The following BCAS3 variants were observed in gnomAD, a reference collection of about 807,000 sequenced individuals.
BCAS3 encodes the protein BCAS3 microtubule associated cell migration factor.
Under a neutral mutation model 116.1 loss-of-function variants are expected in BCAS3, and 53 were observed. That is an observed-to-expected ratio of 0.46 (90% CI 0.37 to 0.57). The LOEUF (loss-of-function observed/expected upper bound fraction) is 0.57, where lower values mean the gene tolerates loss of function less well. Ranked by LOEUF, BCAS3 falls within the 20% of genes least tolerant of loss-of-function variation. The pLI is 0.00. For missense variants in BCAS3, 917 were observed against 1,165.4 expected (o/e 0.79, Z 3.10); for synonymous variants, 391 against 408.2 (o/e 0.96, Z 0.51).
Position 61,082,905 on chromosome 17 carries a change from C to T in BCAS3, c.2328-1562C>T, listed in dbSNP as rs2072754113. On this transcript the variant is annotated intron_variant, in intron 21 of 23. Transcript: ENST00000407086. This position sits in a 1 kb window ranked among gnomAD's most constrained non-coding sequence, Gnocchi z 5.1. ...CTATACCTCCCTCCTGTTTTTTCTT[C>T]CTCACAACAAAAGCATGCATTTCAT... is the stretch of plus-strand genomic sequence containing the variant. Among the ~76,000 whole-genome samples, 2 of 152,208 alleles carry T rather than the reference C, an allele frequency of 1.3e-5. No homozygotes were observed. The highest frequency in any genetic ancestry group is 4.1e-4 in the South Asian group (2 of 4,826).
At chr17:61,322,852 G>A (rs867006270) in intron 22 of BCAS3, among the ~76,000 whole-genome samples, 1 of 139,934 alleles carries the variant, frequency 7.1e-6, no homozygotes, top group Non-Finnish European at 1.5e-5. Flanking sequence ...GAGAGAGAGA[G>A]AGACAGAGAG....
At chr17:61,138,653 G>T (rs543406321) in intron 22 of BCAS3, among the ~76,000 whole-genome samples, 1 of 152,256 alleles carries the variant, frequency 6.6e-6, no homozygotes, top group South Asian at 2.1e-4. Context: ...TGGTATATTT[G>T]ATTGTTTTCA....
intron 22 of BCAS3, among the ~76,000 whole-genome samples, chr17:61,231,016 G>A: frequency 7.3e-6 from 1 of 137,636 alleles, no homozygotes. Context: ...CCCCAGGCTA[G>A]TCTCAAACTC....
At chr17:61,074,270 G>A (rs560571552) in intron 19 of BCAS3, among the ~76,000 whole-genome samples, 9 of 151,968 alleles carry the variant, frequency 5.9e-5, no homozygotes, top group Non-Finnish European at 1.0e-4. Flanking sequence ...TAGAGACATG[G>A]AGACAGACAG....
chr17:60,795,939 C>T (rs952943210), intron 6 of BCAS3, among the ~76,000 whole-genome samples: 5 of 152,176 alleles, frequency 3.3e-5, no homozygotes, highest in Non-Finnish European at 5.9e-5. Flanking sequence ...ATCCACCCAC[C>T]TCGGCCTCCC....
intron 12 of BCAS3, among the ~76,000 whole-genome samples, chr17:60,919,875 C>G (rs544067482): frequency 1.3e-5 from 2 of 152,026 alleles, no homozygotes; most frequent in East Asian, 3.9e-4. Context: ...AGAAATTACT[C>G]AGAAAAAGTA....
intron 22 of BCAS3, among the ~76,000 whole-genome samples, chr17:61,320,539 A>G (rs2055125977): frequency 6.6e-6 from 1 of 151,986 alleles, no homozygotes; most frequent in South Asian, 2.1e-4. Context: ...AAAATTAGCC[A>G]GGTGTGGTGG....
rs185982817 is a variant in BCAS3, at chr17:61,041,049, G to T, written c.2029+157G>T. On this transcript the variant is annotated intron_variant, in intron 19 of 23. Transcript: ENST00000407086. The surrounding 1 kb of genome is among the most constrained non-coding windows in gnomAD (Gnocchi z 4.7). ...AAGATATTTAATATGAATATAAACTGTAAGCCTTAGTATACATTATGTCTC... is the reference window on the plus strand; with the variant it reads ...AAGATATTTAATATGAATATAAACTTTAAGCCTTAGTATACATTATGTCTC... Among the ~76,000 whole-genome samples the T allele has an allele frequency of 1.6e-4, 24 of 152,230 alleles. No individual in the cohort carries two copies. Among genetic ancestry groups the T allele is most frequent in the African/African-American group, 5.5e-4 (23 of 41,550 alleles).
At chr17:60,913,399 T>A (rs1022110819) in intron 12 of BCAS3, among the ~76,000 whole-genome samples, 2 of 152,226 alleles carry the variant, frequency 1.3e-5, no homozygotes, top group African/African-American at 4.8e-5. Context: ...GTGTACATTT[T>A]AAAAAATATA....
chr17:60,990,110 G>T lies in BCAS3; in HGVS notation c.1361G>T (p.Arg454Leu), dbSNP rs779645653. ...CATATGTCACCACGAGTAGTGAATC[G>T]CATGAGCCGTTTCCAGAAAAGTGCT... ...RTHMSPRVVN[R>L]MSRFQKSAGL... is the part of the protein sequence containing the mutation. Residue 454 changes from arginine (R) to leucine (L), a missense_variant, in exon 15 of 24, where the codon CGC becomes CTC. Physicochemically the swap from Arg to Leu is moderately radical, Grantham distance 102. This residue lies in a region of BCAS3 where 807 missense variants were observed against 1,026.0 expected (regional missense o/e 0.79). Transcript: ENST00000407086. This position sits in a 1 kb window ranked among gnomAD's most constrained non-coding sequence, Gnocchi z 5.1. 2.5e-6 allele frequency: 4 copies of T among 1,613,980 alleles called. No individual in the cohort carries two copies. The highest frequency in any genetic ancestry group is 3.4e-6 in the Non-Finnish European group (4 of 1,180,040).
intron 5 of BCAS3, among the ~76,000 whole-genome samples, chr17:60,728,328 G>A (rs147556616): frequency 2.6e-5 from 4 of 152,172 alleles, no homozygotes; most frequent in Non-Finnish European, 5.9e-5. Context: ...ATGGTAGGTA[G>A]CCATTTCAGA....
intron 7 of BCAS3, among the ~76,000 whole-genome samples, chr17:60,817,893 C>A (rs1375923151): frequency 1.3e-5 from 2 of 148,424 alleles, no homozygotes; most frequent in African/African-American, 5.0e-5. Context: ...CTCACTCTGT[C>A]ACCCAGGCTG....
chr17:61,014,864 T>G (rs761137539), intron 15 of BCAS3, among the ~76,000 whole-genome samples: 5 of 151,968 alleles, frequency 3.3e-5, no homozygotes, highest in Non-Finnish European at 5.9e-5. Flanking sequence ...AAAATGAAAT[T>G]AAGAAAACAA....
rs1392320190 is a variant in BCAS3 at position 61,140,062 on chromosome 17, C to T, written c.2425+55498C>T. On this transcript the variant is annotated intron_variant, in intron 22 of 23. Transcript: ENST00000407086. This position sits in a 1 kb window ranked among gnomAD's most constrained non-coding sequence, Gnocchi z 4.2. ...GTCAGACTGGCCAATATAGTGAAACCCCATCTCTACTAAAAATACAAAAAA... is the reference window on the plus strand; with the variant it reads ...GTCAGACTGGCCAATATAGTGAAACTCCATCTCTACTAAAAATACAAAAAA... 6.6e-6 allele frequency among the ~76,000 whole-genome samples: 1 copy of T among 152,038 alleles called. No individual in the cohort carries two copies. The highest frequency in any genetic ancestry group is 2.4e-5 in the African/African-American group (1 of 41,394).
At chr17:61,321,946 T>TTTGTTTG (rs1568848212) in intron 22 of BCAS3, among the ~76,000 whole-genome samples, 23 of 152,118 alleles carry the variant, frequency 1.5e-4, no homozygotes, top group African/African-American at 5.3e-4. Context: ...TTGTTTGTTT[T>TTTGTTTG]TTTTGAGACG....
At chr17:60,744,442 C>T (rs1249632274) in intron 5 of BCAS3, among the ~76,000 whole-genome samples, 1 of 152,072 alleles carries the variant, frequency 6.6e-6, no homozygotes, top group African/African-American at 2.4e-5. Flanking sequence ...AAAGACTAAC[C>T]ATCCTCTGTG....
At chr17:60,880,609 C>A (rs1326520301) in intron 9 of BCAS3, among the ~76,000 whole-genome samples, 4 of 152,002 alleles carry the variant, frequency 2.6e-5, no homozygotes, top group Non-Finnish European at 4.4e-5. Context: ...TTTATCTGAT[C>A]GTTAGTTGAC....
chr17:61,034,806 G>A lies in BCAS3; in HGVS notation c.1762+16G>A. The stretch of plus-strand genomic sequence containing the variant: ...AGAGAAAAAGGTATGTATTTTTACT[G>A]AAAAATGAATGCTCTATTTGTAATT... On this transcript the variant is annotated intron_variant, in intron 17 of 23. Transcript: ENST00000407086. This position sits in a 1 kb window ranked among gnomAD's most constrained non-coding sequence, Gnocchi z 5.0. 1 of 1,580,608 alleles carries A rather than the reference G, an allele frequency of 6.3e-7. No individual in the cohort carries two copies. Among genetic ancestry groups the A allele is most frequent in the Non-Finnish European group, 8.6e-7 (1 of 1,168,032 alleles).
rs939493800 is a variant in BCAS3, at chr17:61,251,526, C to T, written c.2426-116801C>T. 2.0e-5 allele frequency among the ~76,000 whole-genome samples: 3 copies of T among 151,280 alleles called. No individual in the cohort carries two copies. The highest frequency in any genetic ancestry group is 1.9e-4 in the East Asian group (1 of 5,150). ...CAGAGGTTGCAGTGAGCCGAGATTG[C>T]GCCATTCCACTCCAGCCTGGGCAAC... On this transcript the variant is annotated intron_variant, in intron 22 of 23. Transcript: ENST00000407086. The surrounding 1 kb of genome is among the most constrained non-coding windows in gnomAD (Gnocchi z 4.7).
Sources: allele counts gnomAD v4.1 joint callset (sites outside exome capture counted in the v4.1 genomes callset), GRCh38; gene constraint gnomAD v4.1.1; regional missense constraint gnomAD v4.1.1; non-coding constraint Gnocchi (gnomAD v3.1); transcripts MANE v1.5; gene names NCBI Gene and HGNC (gene_info 2026-07-23, HGNC 2026-07-21).